The following PAX7 variants were observed in gnomAD, a reference collection of about 807,000 sequenced individuals.
PAX7 encodes the protein paired box protein Pax-7.
A neutral mutation model predicts 50.7 loss-of-function variants in PAX7; 18 were observed. The observed-to-expected ratio is 0.36, with a 90% CI of 0.25 to 0.53. The LOEUF (loss-of-function observed/expected upper bound fraction) is 0.53, where lower values mean the gene tolerates loss of function less well. Among genes scored for constraint, PAX7 ranks in the 20% least tolerant of loss-of-function variants. The pLI, the probability that PAX7 is intolerant of heterozygous loss-of-function variation, is 0.93. For synonymous variants in PAX7, 310 were observed against 290.4 expected (o/e 1.07, Z -0.69); for missense variants, 644 against 702.9 (o/e 0.92, Z 0.95).
chr1:18,745,625 C>T lies in PAX7; in HGVS notation c.*696C>T, dbSNP rs1931408576. ...CTGGGGAGACCAGGAAGAGGCTTAACCAGAGGGTAGGGGCACATGGGGGTG... is the reference window on the plus strand; with the variant it reads ...CTGGGGAGACCAGGAAGAGGCTTAATCAGAGGGTAGGGGCACATGGGGGTG... On this transcript the variant is annotated 3_prime_UTR_variant, in exon 9 of 9. Transcript: ENST00000420770. 1 of 230,948 alleles carries T rather than the reference C, an allele frequency of 4.3e-6. No individual in the cohort carries two copies. The highest frequency in any genetic ancestry group is 8.6e-6 in the Non-Finnish European group (1 of 116,750). 14.3% of individuals were successfully genotyped at this position (230,948 alleles called of 1,614,324 possible). A position where few individuals can be genotyped will look rare whatever the true frequency, so the allele number is the denominator to read the frequency against.
At chr1:18,643,459 G>C (rs1432516796) in intron 4 of PAX7, among the ~76,000 whole-genome samples, 2 of 152,246 alleles carry the variant, frequency 1.3e-5, no homozygotes, top group Non-Finnish European at 2.9e-5. Context: ...AGAGAATCTT[G>C]CGCACAGTTT....
intron 4 of PAX7, among the ~76,000 whole-genome samples, chr1:18,640,853 G>T (rs1055906160): frequency 1.1e-4 from 16 of 151,640 alleles, no homozygotes; most frequent in Non-Finnish European, 1.9e-4. Flanking sequence ...GGGCTGGGGG[G>T]GATGGGGCGA....
chr1:18,690,016 G>A (rs150092741), intron 4 of PAX7, among the ~76,000 whole-genome samples: 6 of 152,282 alleles, frequency 3.9e-5, no homozygotes, highest in East Asian at 3.9e-4. Context: ...TGAACCTCAC[G>A]TTACCTTTCT....
Position 18,643,448 on chromosome 1 carries a change from A to G in PAX7, c.586+7077A>G, listed in dbSNP as rs375993270. Among the ~76,000 whole-genome samples the G allele has an allele frequency of 4.7e-4, 72 of 152,326 alleles. No homozygotes were observed. In the Middle Eastern group the frequency reaches 0.02, roughly 43 times the overall value. Reference sequence around the variant, plus strand: ...GAGTGAGAAAGTCTGAGCGCAGCAGAAGAGAATCTTGCGCACAGTTTGAGG... The same window carrying G: ...GAGTGAGAAAGTCTGAGCGCAGCAGGAGAGAATCTTGCGCACAGTTTGAGG... On this transcript the variant is annotated intron_variant, in intron 4 of 8. Coordinates refer to ENST00000420770, the MANE Select transcript of PAX7 (RefSeq NM_001135254.2).
At chr1:18,728,343 G>A (rs773342836) in intron 7 of PAX7, among the ~76,000 whole-genome samples, 1 of 152,030 alleles carries the variant, frequency 6.6e-6, no homozygotes, top group Non-Finnish European at 1.5e-5. Flanking sequence ...TGTCTGTAAT[G>A]TGTGTGTCTT....
At position 18,735,207 on chromosome 1, in the gene PAX7, C is replaced by T. The variant is rs1263202807; in HGVS notation, c.1156-425C>T. Among the ~76,000 whole-genome samples, 1 of 152,200 alleles carries T rather than the reference C, an allele frequency of 6.6e-6. No homozygotes were observed. The highest frequency in any genetic ancestry group is 6.5e-5 in the Admixed American group (1 of 15,280). The stretch of plus-strand genomic sequence containing the variant: ...TTTGTGTTAGAAGATGGGGCCATCC[C>T]AGTCTGATGGGGGAGGCACAGTTCT... On this transcript the variant is annotated intron_variant, in intron 7 of 8. Transcript: ENST00000420770. The surrounding 1 kb of genome is among the most constrained non-coding windows in gnomAD (Gnocchi z 4.0).
Position 18,745,546 on chromosome 1 carries a change from C to T in PAX7, c.*617C>T, listed in dbSNP as rs1931403988. On this transcript the variant is annotated 3_prime_UTR_variant, in exon 9 of 9. Transcript: ENST00000420770. ...CCAGGAATTTGAAGGACTTCAGAAC[C>T]CTCCCCAGACACCTCTACTGGGTGC... is the stretch of plus-strand genomic sequence containing the variant. 4.3e-6 allele frequency: 1 copy of T among 231,206 alleles called. No homozygotes were observed. The highest frequency in any genetic ancestry group is 1.8e-4 in the South Asian group (1 of 5,522). The allele number at this position is 231,206 out of a possible 1,614,324, so 14.3% of individuals were successfully genotyped here. A position where few individuals can be genotyped will look rare whatever the true frequency, so the allele number is the denominator to read the frequency against.
chr1:18,746,077 G>A lies in PAX7; in HGVS notation c.*1148G>A, dbSNP rs961681644. On this transcript the variant is annotated 3_prime_UTR_variant, in exon 9 of 9. Transcript: ENST00000420770. The stretch of plus-strand genomic sequence containing the variant: ...TCCCCAAACCCCTTTCAGTTTGTGG[G>A]GATGCAGAGAGCTACCCTCAGAGCT... The A allele has an allele frequency of 4.3e-6, 1 of 231,704 alleles. No individual in the cohort carries two copies. Among genetic ancestry groups the A allele is most frequent in the African/African-American group, 2.2e-5 (1 of 45,236 alleles). 14.4% of individuals were successfully genotyped at this position (231,704 alleles called of 1,614,324 possible). A position where few individuals can be genotyped will look rare whatever the true frequency, so the allele number is the denominator to read the frequency against.
intron 4 of PAX7, among the ~76,000 whole-genome samples, chr1:18,665,746 T>G (rs2100217725): frequency 6.7e-6 from 1 of 149,676 alleles, no homozygotes; most frequent in Non-Finnish European, 1.5e-5. Context: ...CTTGGTTCAC[T>G]GCATACTCTG....
chr1:18,733,996 A>G (rs1426516395), intron 7 of PAX7, among the ~76,000 whole-genome samples: 1 of 151,770 alleles, frequency 6.6e-6, no homozygotes. Context: ...GCTCAGGGAT[A>G]CTCCCGAGGT....
chr1:18,735,329 G>T lies in PAX7; in HGVS notation c.1156-303G>T, dbSNP rs1412508334. Among the ~76,000 whole-genome samples the T allele has an allele frequency of 6.6e-6, 1 of 152,150 alleles. No homozygotes were observed. ...ATGCATTTATTCATTCAATAGACAG[G>T]CCCAGAGTGACCCTTAGGGCCAGAC... On this transcript the variant is annotated intron_variant, in intron 7 of 8. Coordinates refer to ENST00000420770, the MANE Select transcript of PAX7 (RefSeq NM_001135254.2). The surrounding 1 kb of genome is among the most constrained non-coding windows in gnomAD (Gnocchi z 4.0).
chr1:18,639,945 A>G (rs2088224206), intron 4 of PAX7, among the ~76,000 whole-genome samples: 1 of 151,184 alleles, frequency 6.6e-6, no homozygotes, highest in Non-Finnish European at 1.5e-5. Flanking sequence ...AGATTAGAAA[A>G]AAGAAGTAGT....
intron 7 of PAX7, among the ~76,000 whole-genome samples, chr1:18,727,376 A>ATC (rs2089588116): frequency 1.0e-5 from 1 of 96,232 alleles, no homozygotes; most frequent in African/African-American, 5.6e-5. Context: ...TCTCATACAC[A>ATC]CACACACACA....
At chr1:18,733,808 A>G (rs1344587912) in intron 7 of PAX7, among the ~76,000 whole-genome samples, 1 of 152,212 alleles carries the variant, frequency 6.6e-6, no homozygotes, top group African/African-American at 2.4e-5. Context: ...TGAGAGTTGA[A>G]CTTGACATTT....
At chr1:18,677,119 G>A (rs903994120) in intron 4 of PAX7, among the ~76,000 whole-genome samples, 1 of 152,232 alleles carries the variant, frequency 6.6e-6, no homozygotes, top group African/African-American at 2.4e-5. Context: ...CTTCCGCCCT[G>A]ACAACTCGTG....
At chr1:18,685,885 C>T (rs1210935035) in intron 4 of PAX7, among the ~76,000 whole-genome samples, 2 of 151,986 alleles carry the variant, frequency 1.3e-5, no homozygotes, top group African/African-American at 2.4e-5. Context: ...GAGCTGCCCC[C>T]AGCAACCTTC....
chr1:18,645,139 T>TGCGC (rs941376540), intron 4 of PAX7, among the ~76,000 whole-genome samples: 1 of 152,118 alleles, frequency 6.6e-6, no homozygotes, highest in Non-Finnish European at 1.5e-5. Flanking sequence ...TGAGTGTGTG[T>TGCGC]GCGCGCGCGC....
In PAX7 at chr1:18,748,756, G is replaced by C. The variant is rs553383889; in HGVS notation, c.*3827G>C. ...ACACCATAATTTATTCAGCTATATG[G>C]AGTAGTAGACTAGAAAGAGAAACTG... On this transcript the variant is annotated 3_prime_UTR_variant, in exon 9 of 9. Coordinates refer to ENST00000420770, the MANE Select transcript of PAX7 (RefSeq NM_001135254.2). The C allele has an allele frequency of 8.8e-6, 2 of 227,912 alleles. No individual in the cohort carries two copies. The highest frequency in any genetic ancestry group is 6.3e-5 in the East Asian group (1 of 15,984). 14.1% of individuals were successfully genotyped at this position (227,912 alleles called of 1,614,324 possible). A position where few individuals can be genotyped will look rare whatever the true frequency, so the allele number is the denominator to read the frequency against.
At chr1:18,725,302 G>GCCCCCCCCCCCCCCCCCC (rs3216186) in intron 7 of PAX7, among the ~76,000 whole-genome samples, 1 of 106,352 alleles carries the variant, frequency 9.4e-6, no homozygotes, top group Non-Finnish European at 1.9e-5. Flanking sequence ...AGGTGGAGAC[G>GCCCCCCCCCCCCCCCCCC]CCCCCCCCCC....
Sources: gnomAD v4.1 joint callset for allele counts (sites outside exome capture counted in the v4.1 genomes callset) on GRCh38, gnomAD v4.1.1 for gene constraint, Gnocchi (gnomAD v3.1) non-coding constraint, MANE v1.5 for transcripts, NCBI Gene and HGNC (gene_info 2026-07-23, HGNC 2026-07-21) for gene names.